SLFN12L: variants seen among roughly 807,000 people sequenced by gnomAD.
SLFN12L encodes schlafen family member 12-like.
SLFN12L carries 34 observed loss-of-function variants against 34.8 expected under a neutral mutation model. That is an observed-to-expected ratio of 0.98 (90% confidence interval 0.74 to 1.30). SLFN12L has a LOEUF of 1.30. SLFN12L is among the 50% of genes most tolerant of loss of function. SLFN12L has a pLI of 0.00. For missense variants in SLFN12L, 703 were observed against 696.2 expected, an observed-to-expected ratio of 1.01 and a Z score of -0.11; for synonymous variants, 259 against 247.5, an observed-to-expected ratio of 1.05 and a Z score of -0.44.
At chr17:35,486,478 T>C (rs975691706) in intron 2 of SLFN12L, among the ~76,000 whole-genome samples, 1 of 152,128 alleles carries the variant, frequency 6.6e-6, no homozygotes, top group Non-Finnish European at 1.5e-5. Context: ...GACCGAGCAC[T>C]TGTGGACTAG....
chr17:35,533,228 T>G (rs2072427989), intron 1 of SLFN12L, among the ~76,000 whole-genome samples: 1 of 152,260 alleles, frequency 6.6e-6, no homozygotes, highest in Non-Finnish European at 1.5e-5. Context: ...ATGTAGAAAC[T>G]ATTTTTAAAA....
chr17:35,498,774 C>T (rs1255580105), intron 2 of SLFN12L: 2 of 1,048,094 alleles, frequency 1.9e-6, no homozygotes, highest in East Asian at 4.8e-5. Context: ...CTATACTGCC[C>T]TGTGCAAAAT....
intron 2 of SLFN12L, chr17:35,491,298 A>G (rs1914827941): frequency 1.5e-6 from 1 of 659,118 alleles, no homozygotes; most frequent in South Asian, 2.4e-5. Context: ...TGGAACCAGA[A>G]CATATGTCAT....
At chr17:35,512,359 A>AT (rs35126425) in intron 2 of SLFN12L, among the ~76,000 whole-genome samples, 966 of 53,854 alleles carry the variant, frequency 0.018, 69 homozygotes, top group East Asian at 0.029. Flanking sequence ...AAAAGAGCTG[A>AT]TTTTTTTTTT....
In SLFN12L at chr17:35,522,680, C is replaced by T; in HGVS notation, c.-316G>A. 1.9e-6 allele frequency: 3 copies of T among 1,614,116 alleles called. No homozygotes were observed. The highest frequency in any genetic ancestry group is 2.5e-6 in the Non-Finnish European group (3 of 1,179,994). On this transcript the variant is annotated 5_prime_UTR_variant, in exon 2 of 5. The change creates a new upstream start codon in the 5' untranslated region. Transcript: ENST00000628453. The stretch of plus-strand genomic sequence containing the variant: ...CAGAGGACCTTGGCCCTGACACACA[C>T]CTCCCCAGTGTAGCCCCCCATGTTC...
chr17:35,512,147 C>T (rs964824776), intron 2 of SLFN12L, among the ~76,000 whole-genome samples: 1 of 122,062 alleles, frequency 8.2e-6, no homozygotes, highest in African/African-American at 3.0e-5. Context: ...TAAAAAAGAG[C>T]TGATTTTTTT....
chr17:35,537,295 C>G (rs141473294), intron 1 of SLFN12L, among the ~76,000 whole-genome samples: 1 of 152,322 alleles, frequency 6.6e-6, no homozygotes, highest in East Asian at 1.9e-4. Context: ...TCTCTCAGCC[C>G]AGCCAGGTTC....
intron 2 of SLFN12L, chr17:35,490,502 T>C: frequency 1.1e-6 from 1 of 925,760 alleles, no homozygotes; most frequent in Non-Finnish European, 1.8e-6. Flanking sequence ...CTGAAAGGCA[T>C]CCATCTCATT....
rs573341155 is a variant in SLFN12L, at chr17:35,468,880, G to A, written c.*6043C>T. ...AACATATAAAAGTTAGCTGGGCATGGTGGTGTACACCTGTAGTCCCAGCTA... is the reference window on the plus strand; with the variant it reads ...AACATATAAAAGTTAGCTGGGCATGATGGTGTACACCTGTAGTCCCAGCTA... On this transcript the variant is annotated 3_prime_UTR_variant, in exon 5 of 5. Coordinates refer to ENST00000628453, the MANE Select transcript of SLFN12L (RefSeq NM_001363830.2). Among the ~76,000 whole-genome samples, 1 of 152,170 alleles carries A rather than the reference G, an allele frequency of 6.6e-6. No individual in the cohort carries two copies. Among genetic ancestry groups the A allele is most frequent in the South Asian group, 2.1e-4 (1 of 4,814 alleles).
At chr17:35,492,771 C>T (rs1427673101) in intron 2 of SLFN12L, among the ~76,000 whole-genome samples, 4 of 152,140 alleles carry the variant, frequency 2.6e-5, no homozygotes, top group Non-Finnish European at 4.4e-5. Context: ...TCATCTCCCA[C>T]TGGGAATATG....
intron 2 of SLFN12L, among the ~76,000 whole-genome samples, chr17:35,492,910 G>GGCACATAT (rs1914893194): frequency 6.6e-6 from 1 of 151,876 alleles, no homozygotes; most frequent in Non-Finnish European, 1.5e-5. Context: ...TAGGCACATA[G>GGCACATAT]TAGGCACTCA....
intron 2 of SLFN12L, among the ~76,000 whole-genome samples, chr17:35,480,810 G>A (rs1914301878): frequency 6.6e-6 from 1 of 152,044 alleles, no homozygotes; most frequent in Non-Finnish European, 1.5e-5. Context: ...ACGTTTACAA[G>A]GAGGTAATCG....
chr17:35,487,422 G>A lies in SLFN12L; in HGVS notation c.87-7227C>T, dbSNP rs976170259. 4.3e-4 allele frequency among the ~76,000 whole-genome samples: 65 copies of A among 152,356 alleles called. 1 individual carries two copies. The highest frequency in any genetic ancestry group is 1.5e-3 in the African/African-American group (62 of 41,590). ...AGCAGCCTCGGGTCTCCCCGAGATCGGTGGGGTTGCTCTGGCAGCGCCCCA... is the reference window on the plus strand; with the variant it reads ...AGCAGCCTCGGGTCTCCCCGAGATCAGTGGGGTTGCTCTGGCAGCGCCCCA... On this transcript the variant is annotated intron_variant, in intron 2 of 4. Transcript: ENST00000628453.
chr17:35,498,369 T>C, intron 2 of SLFN12L: 1 of 1,080,620 alleles, frequency 9.3e-7, no homozygotes, highest in Non-Finnish European at 1.4e-6. Context: ...ACACAGAGAA[T>C]CTCATTGTGC....
chr17:35,533,873 G>T (rs2072434018), intron 1 of SLFN12L, among the ~76,000 whole-genome samples: 1 of 152,186 alleles, frequency 6.6e-6, no homozygotes, highest in East Asian at 1.9e-4. Flanking sequence ...CTGAGGTCAG[G>T]AGTTCGAGAC....
At chr17:35,481,037 T>C (rs1914315774) in intron 2 of SLFN12L, among the ~76,000 whole-genome samples, 1 of 152,110 alleles carries the variant, frequency 6.6e-6, no homozygotes, top group African/African-American at 2.4e-5. Flanking sequence ...AACCAGGCCA[T>C]ACAGAGATAG....
At chr17:35,496,076 G>A (rs1232303611) in intron 2 of SLFN12L, among the ~76,000 whole-genome samples, 2 of 152,012 alleles carry the variant, frequency 1.3e-5, no homozygotes, top group Admixed American at 6.5e-5. Context: ...CCCACCCCCG[G>A]AACGGCTGTC....
intron 1 of SLFN12L, among the ~76,000 whole-genome samples, chr17:35,523,774 A>T (rs1371614930): frequency 6.6e-6 from 1 of 152,104 alleles, no homozygotes; most frequent in Non-Finnish European, 1.5e-5. Context: ...GTTTCTACAA[A>T]AAATATAAAA....
In SLFN12L at chr17:35,493,735, A is replaced by G. The variant is rs1347461307; in HGVS notation, c.87-13540T>C. On this transcript the variant is annotated intron_variant, in intron 2 of 4. Transcript: ENST00000628453. ...GTTAGGTATGTGCTTATATGTACAG[A>G]GTTGTGCATAGCAATCATTTTATGT... 2.0e-5 allele frequency among the ~76,000 whole-genome samples: 3 copies of G among 152,236 alleles called. No individual in the cohort carries two copies. The South Asian group carries it at 6.2e-4, about 31-fold the overall frequency.
Sources: allele counts gnomAD v4.1 joint callset (sites outside exome capture counted in the v4.1 genomes callset), GRCh38; gene constraint gnomAD v4.1.1; transcripts MANE v1.5; gene names NCBI Gene and HGNC (gene_info 2026-07-23, HGNC 2026-07-21).